The following CMTM8 variants were observed in gnomAD, a reference collection of about 807,000 sequenced individuals.
CMTM8 encodes CKLF like MARVEL transmembrane domain containing 8.
In CMTM8, 12 loss-of-function variants were observed where a neutral mutation model predicts 18.6. The observed-to-expected ratio is 0.65, with a 90% CI of 0.41 to 1.05. The LOEUF is 1.05. Ranked by LOEUF, CMTM8 falls within the 50% of genes least tolerant of loss-of-function variation. The pLI, the probability that CMTM8 is intolerant of heterozygous loss-of-function variation, is 0.00. For missense variants in CMTM8, 217 were observed against 227.2 expected (o/e 0.95, Z 0.29); for synonymous variants, 87 against 90.6 (o/e 0.96, Z 0.23).
At chr3:32,324,744 C>G (rs1696122133) in intron 1 of CMTM8, among the ~76,000 whole-genome samples, 1 of 152,226 alleles carries the variant, frequency 6.6e-6, no homozygotes, top group Non-Finnish European at 1.5e-5. Flanking sequence ...GAGAATCAAA[C>G]TGACATCAGA....
At chr3:32,273,129 ATG>A (rs60162265) in intron 1 of CMTM8, among the ~76,000 whole-genome samples, 4,203 of 142,892 alleles carry the variant, frequency 0.029, 93 homozygotes, top group African/African-American at 0.066. Flanking sequence ...ATTGGAACAA[ATG>A]TGTGTGTGTG....
Position 32,283,111 on chromosome 3 carries a change from G to T in CMTM8, c.147+43992G>T, listed in dbSNP as rs184315745. 3.0e-4 allele frequency among the ~76,000 whole-genome samples: 45 copies of T among 152,204 alleles called. No homozygotes were observed. The East Asian group carries it at 8.5e-3, about 29-fold the overall frequency. ...CTAGTACTTAAATTGCACATAACAC[G>T]CACTAAATAAATGTTGAAAGAAAAA... is the stretch of plus-strand genomic sequence containing the variant. On this transcript the variant is annotated intron_variant, in intron 1 of 3. Transcript: ENST00000307526.
chr3:32,250,715 A>G (rs1702100800), intron 1 of CMTM8, among the ~76,000 whole-genome samples: 3 of 151,796 alleles, frequency 2.0e-5, no homozygotes, highest in African/African-American at 7.3e-5. Context: ...AGGTTATAGA[A>G]CTCCAATTGA....
intron 2 of CMTM8, among the ~76,000 whole-genome samples, chr3:32,363,819 G>A (rs1000447429): frequency 6.6e-6 from 1 of 152,196 alleles, no homozygotes; most frequent in Non-Finnish European, 1.5e-5. Flanking sequence ...ATGCTTTTCT[G>A]ACAGATTTCC....
At chr3:32,343,710 T>C (rs759575367) in intron 1 of CMTM8, among the ~76,000 whole-genome samples, 41 of 149,962 alleles carry the variant, frequency 2.7e-4, no homozygotes, top group Non-Finnish European at 2.4e-4. Context: ...TTGTTTTTGT[T>C]TTTGAGACGG....
At chr3:32,254,903 A>G (rs6778458) in intron 1 of CMTM8, among the ~76,000 whole-genome samples, 6,323 of 152,096 alleles carry the variant, frequency 0.042, 484 homozygotes, top group African/African-American at 0.15. Context: ...TATATTCTCC[A>G]TTTCTTCCCA....
chr3:32,335,291 A>G (rs1275024008), intron 1 of CMTM8, among the ~76,000 whole-genome samples: 1 of 152,076 alleles, frequency 6.6e-6, no homozygotes, highest in Non-Finnish European at 1.5e-5. Context: ...CGTACATGTC[A>G]TCCTCTCTAC....
intron 1 of CMTM8, among the ~76,000 whole-genome samples, chr3:32,316,701 T>C (rs1035158155): frequency 1.3e-5 from 2 of 152,184 alleles, no homozygotes; most frequent in African/African-American, 2.4e-5. Context: ...GCAATTTTCA[T>C]TGAAACTCCA....
intron 1 of CMTM8, among the ~76,000 whole-genome samples, chr3:32,310,029 A>C (rs1459915033): frequency 2.6e-5 from 4 of 152,206 alleles, no homozygotes; most frequent in Non-Finnish European, 4.4e-5. Context: ...AGTTTTTAGA[A>C]AAGAGGAAGC....
At chr3:32,368,747 C>A (rs1480388184) in intron 3 of CMTM8, among the ~76,000 whole-genome samples, 2 of 152,108 alleles carry the variant, frequency 1.3e-5, no homozygotes, top group African/African-American at 4.8e-5. Flanking sequence ...CAGGCATGAG[C>A]CACTGCGCCT....
At chr3:32,330,397 A>G (rs1450167345) in intron 1 of CMTM8, among the ~76,000 whole-genome samples, 1 of 152,174 alleles carries the variant, frequency 6.6e-6, no homozygotes, top group Non-Finnish European at 1.5e-5. Flanking sequence ...ACTTGAGCCT[A>G]GGAGTTTTGG....
chr3:32,285,573 CTA>C (rs1204777087), intron 1 of CMTM8, among the ~76,000 whole-genome samples: 1 of 151,524 alleles, frequency 6.6e-6, no homozygotes, highest in Non-Finnish European at 1.5e-5. Context: ...TGGGTGAAAT[CTA>C]TGTGAAGTGT....
intron 1 of CMTM8, among the ~76,000 whole-genome samples, chr3:32,322,696 C>T (rs1696080258): frequency 6.6e-6 from 1 of 152,156 alleles, no homozygotes; most frequent in South Asian, 2.1e-4. Flanking sequence ...AAAATGGGTG[C>T]CTGGCCCAAG....
chr3:32,299,649 T>C (rs1695574795), intron 1 of CMTM8, among the ~76,000 whole-genome samples: 1 of 152,220 alleles, frequency 6.6e-6, no homozygotes, highest in Non-Finnish European at 1.5e-5. Flanking sequence ...CTCTTCTTTA[T>C]TTTTAAATTT....
Position 32,355,931 on chromosome 3 carries a change from G to A in CMTM8, c.148-1442G>A, listed in dbSNP as rs10084726. Among the ~76,000 whole-genome samples, 612 of 152,224 alleles carry A rather than the reference G, an allele frequency of 4.0e-3. 2 individuals carry two copies. Among genetic ancestry groups the A allele is most frequent in the African/African-American group, 0.014 (587 of 41,548 alleles). ...GTTATTCTTCAGCCTGGACTTCTCCGATGCTTCCTGTGCCTGCCAGCAAGG... is the reference window on the plus strand; with the variant it reads ...GTTATTCTTCAGCCTGGACTTCTCCAATGCTTCCTGTGCCTGCCAGCAAGG... On this transcript the variant is annotated intron_variant, in intron 1 of 3. Transcript: ENST00000307526.
chr3:32,322,431 T>A (rs1274034594), intron 1 of CMTM8, among the ~76,000 whole-genome samples: 1 of 152,260 alleles, frequency 6.6e-6, no homozygotes, highest in Non-Finnish European at 1.5e-5. Flanking sequence ...TGAAGTTGTA[T>A]GACACCAAGT....
chr3:32,243,424 G>A (rs1037810494), intron 1 of CMTM8, among the ~76,000 whole-genome samples: 2 of 151,430 alleles, frequency 1.3e-5, no homozygotes, highest in Non-Finnish European at 2.9e-5. Context: ...TCAGCTACTC[G>A]GGAGGCTGAG....
At chr3:32,326,245 A>T (rs568946487) in intron 1 of CMTM8, among the ~76,000 whole-genome samples, 1 of 152,330 alleles carries the variant, frequency 6.6e-6, no homozygotes, top group African/African-American at 2.4e-5. Flanking sequence ...GCCAACTCTG[A>T]AACACTGATG....
At chr3:32,326,948 G>A (rs1357548868) in intron 1 of CMTM8, among the ~76,000 whole-genome samples, 1 of 152,150 alleles carries the variant, frequency 6.6e-6, no homozygotes, top group African/African-American at 2.4e-5. Context: ...GCCACTGGCT[G>A]CATTTGCAGT....
Sources: gnomAD v4.1 joint callset for allele counts (sites outside exome capture counted in the v4.1 genomes callset) on GRCh38, gnomAD v4.1.1 for gene constraint, MANE v1.5 for transcripts, NCBI Gene and HGNC (gene_info 2026-07-23, HGNC 2026-07-21) for gene names.